GALNT18: variants seen among roughly 807,000 people sequenced by gnomAD.
GALNT18 encodes the protein polypeptide N-acetylgalactosaminyltransferase 18, also known as GalNAc-transferase 18.
Under a neutral mutation model 69.5 loss-of-function variants are expected in GALNT18, and 44 were observed. That is an observed-to-expected ratio of 0.63 (90% CI 0.50 to 0.81). The LOEUF is 0.81. GALNT18 is among the 40% of genes least tolerant of loss of function. The pLI, the probability that GALNT18 is intolerant of heterozygous loss-of-function variation, is 0.00. For missense variants in GALNT18, 715 were observed against 810.0 expected, an observed-to-expected ratio of 0.88 and a Z score of 1.42; for synonymous variants, 364 against 318.2, an observed-to-expected ratio of 1.14 and a Z score of -1.53.
chr11:11,365,120 G>C (rs1241132888), intron 6 of GALNT18, among the ~76,000 whole-genome samples: 1 of 151,778 alleles, frequency 6.6e-6, no homozygotes, highest in African/African-American at 2.4e-5. Flanking sequence ...TGCACCTATG[G>C]ACCCATCCTT....
intron 10 of GALNT18, among the ~76,000 whole-genome samples, chr11:11,274,672 G>A (rs1031210671): frequency 6.6e-6 from 1 of 152,166 alleles, no homozygotes; most frequent in Non-Finnish European, 1.5e-5. Context: ...CCTACATTAG[G>A]TATTTCTCCT....
Position 11,494,848 on chromosome 11 carries a change from A to G in GALNT18, c.236-45912T>C, listed in dbSNP as rs968920596. ...GGAGGGGAAGTATTTTAATCTTACAACTCCAACCATGATCATCTGGGAGTG... is the reference window on the plus strand; with the variant it reads ...GGAGGGGAAGTATTTTAATCTTACAGCTCCAACCATGATCATCTGGGAGTG... On this transcript the variant is annotated intron_variant, in intron 1 of 10. Coordinates refer to ENST00000227756, the MANE Select transcript of GALNT18 (RefSeq NM_198516.3). This position sits in a 1 kb window ranked among gnomAD's most constrained non-coding sequence, Gnocchi z 5.7. Among the ~76,000 whole-genome samples, 2 of 152,096 alleles carry G rather than the reference A, an allele frequency of 1.3e-5. No homozygotes were observed. Among genetic ancestry groups the G allele is most frequent in the African/African-American group, 4.8e-5 (2 of 41,396 alleles).
intron 1 of GALNT18, among the ~76,000 whole-genome samples, chr11:11,513,226 GTTC>G (rs1437147821): frequency 6.6e-6 from 1 of 152,216 alleles, no homozygotes; most frequent in Non-Finnish European, 1.5e-5. Context: ...CTGAGCCTCA[GTTC>G]TTCTTCTGTA....
chr11:11,561,178 G>T (rs771138186), intron 1 of GALNT18, among the ~76,000 whole-genome samples: 1 of 152,066 alleles, frequency 6.6e-6, no homozygotes, highest in African/African-American at 2.4e-5. Context: ...ACTGCGAGGC[G>T]CCTTTTTCAG....
chr11:11,359,857 T>G (rs563459390), intron 6 of GALNT18, among the ~76,000 whole-genome samples: 2 of 152,222 alleles, frequency 1.3e-5, no homozygotes, highest in Admixed American at 6.5e-5. Flanking sequence ...GTTCTAATCT[T>G]GAGTGGTCCT....
At chr11:11,455,943 GC>G (rs1855915680) in intron 1 of GALNT18, among the ~76,000 whole-genome samples, 1 of 152,082 alleles carries the variant, frequency 6.6e-6, no homozygotes, top group South Asian at 2.1e-4. Flanking sequence ...ACAAAAATTA[GC>G]CAAGCATGGT....
intron 9 of GALNT18, among the ~76,000 whole-genome samples, chr11:11,300,354 GGA>G (rs756212222): frequency 6.6e-6 from 1 of 152,152 alleles, no homozygotes; most frequent in East Asian, 1.9e-4. Context: ...GGGTAGAAAG[GGA>G]GAGTTATATT....
At chr11:11,350,127 A>G (rs79741824) in intron 6 of GALNT18, among the ~76,000 whole-genome samples, 2,569 of 152,322 alleles carry the variant, frequency 0.017, 61 homozygotes, top group East Asian at 0.078. Flanking sequence ...GCTTTCCATG[A>G]AGAAAAACTT....
intron 3 of GALNT18, among the ~76,000 whole-genome samples, chr11:11,418,445 C>G (rs956806807): frequency 6.6e-6 from 1 of 152,194 alleles, no homozygotes; most frequent in African/African-American, 2.4e-5. Context: ...AAGGCAGGTT[C>G]TGTCTTTTTC....
At chr11:11,278,072 C>T (rs947856895) in intron 10 of GALNT18, among the ~76,000 whole-genome samples, 8 of 151,882 alleles carry the variant, frequency 5.3e-5, no homozygotes, top group East Asian at 2.0e-4. Flanking sequence ...CCTTTTGCCT[C>T]GTTGATCTGT....
In GALNT18 at chr11:11,347,940, A is replaced by G. The variant is rs75711299; in HGVS notation, c.1093-6936T>C. On this transcript the variant is annotated intron_variant, in intron 6 of 10. Transcript: ENST00000227756. This position sits in a 1 kb window ranked among gnomAD's most constrained non-coding sequence, Gnocchi z 4.0. ...GGGGAGAGCTGGCAGAAGACCAGAAAGTCACTCGCAGAGTGGCTGAACGGT... is the reference window on the plus strand; with the variant it reads ...GGGGAGAGCTGGCAGAAGACCAGAAGGTCACTCGCAGAGTGGCTGAACGGT... Among the ~76,000 whole-genome samples, 7,252 of 152,306 alleles carry G rather than the reference A, an allele frequency of 0.048. 229 individuals are homozygous for G. The highest frequency in any genetic ancestry group is 0.13 in the South Asian group (605 of 4,822).
At position 11,402,822 on chromosome 11, in the gene GALNT18, GC is replaced by G. The variant is rs1854497508; in HGVS notation, c.596-23559del. 6.6e-6 allele frequency among the ~76,000 whole-genome samples: 1 copy of G among 152,200 alleles called. No homozygotes were observed. The highest frequency in any genetic ancestry group is 1.5e-5 in the Non-Finnish European group (1 of 68,032). On this transcript the variant is annotated intron_variant, in intron 3 of 10. Transcript: ENST00000227756. This position sits in a 1 kb window ranked among gnomAD's most constrained non-coding sequence, Gnocchi z 4.0. ...AAAAATACAAATGGCTTCTTGTAGT[GC>G]TGTTGGCATCTGACAAGGAGCCTCA...
intron 10 of GALNT18, among the ~76,000 whole-genome samples, chr11:11,279,913 TA>T (rs948519509): frequency 6.6e-6 from 1 of 151,650 alleles, no homozygotes; most frequent in Non-Finnish European, 1.5e-5. Context: ...AAAATTGAAA[TA>T]AAAAATCCAG....
rs114370050 is a variant in GALNT18, at chr11:11,274,488, A to G, written c.1678-3198T>C. On this transcript the variant is annotated intron_variant, in intron 10 of 10. Coordinates refer to ENST00000227756, the MANE Select transcript of GALNT18 (RefSeq NM_198516.3). ...GACAGCAGTCTGAGGTTGACCTGGG[A>G]TGCTCAAGCTTGGTTGGGTGAGGGA... Among the ~76,000 whole-genome samples the G allele has an allele frequency of 8.3e-3, 1,257 of 152,320 alleles. 18 individuals are homozygous for G. The highest frequency in any genetic ancestry group is 0.026 in the African/African-American group (1,078 of 41,578).
intron 8 of GALNT18, 113 bp from the exon 9 acceptor site, chr11:11,327,294 G>A: frequency 1.3e-6 from 1 of 795,842 alleles, no homozygotes; most frequent in South Asian, 1.6e-5. Flanking sequence ...TCCATAATCA[G>A]CCCAAGGCCC....
In GALNT18 at chr11:11,613,646, C is replaced by T. The variant is rs978316749; in HGVS notation, c.235+7713G>A. Among the ~76,000 whole-genome samples the T allele has an allele frequency of 2.6e-5, 4 of 152,190 alleles. No individual in the cohort carries two copies. Among genetic ancestry groups the T allele is most frequent in the African/African-American group, 9.7e-5 (4 of 41,446 alleles). On this transcript the variant is annotated intron_variant, in intron 1 of 10. Coordinates refer to ENST00000227756, the MANE Select transcript of GALNT18 (RefSeq NM_198516.3). This position sits in a 1 kb window ranked among gnomAD's most constrained non-coding sequence, Gnocchi z 4.2. ...ATGGAGCTGACTCTAACCCCAAAGG[C>T]AAGTGAGATTCAATAACAATTGTAG... is the stretch of plus-strand genomic sequence containing the variant.
At chr11:11,276,222 T>C (rs1848943275) in intron 10 of GALNT18, among the ~76,000 whole-genome samples, 1 of 152,234 alleles carries the variant, frequency 6.6e-6, no homozygotes, top group African/African-American at 2.4e-5. Context: ...CAGTGCTTTG[T>C]AGTTCTCCTT....
intron 9 of GALNT18, among the ~76,000 whole-genome samples, chr11:11,305,541 GATC>G (rs1849563399): frequency 6.6e-6 from 1 of 152,186 alleles, no homozygotes; most frequent in Non-Finnish European, 1.5e-5. Context: ...ACTGAGTCGG[GATC>G]CAAACTGCCT....
chr11:11,344,581 G>T (rs1363891166), intron 6 of GALNT18, among the ~76,000 whole-genome samples: 1 of 152,116 alleles, frequency 6.6e-6, no homozygotes, highest in Non-Finnish European at 1.5e-5. Flanking sequence ...GTAGCATGTC[G>T]CACTTGAAAG....
Sources: gnomAD v4.1 joint callset for allele counts (sites outside exome capture counted in the v4.1 genomes callset) on GRCh38, gnomAD v4.1.1 for gene constraint, Gnocchi (gnomAD v3.1) non-coding constraint, MANE v1.5 for transcripts, NCBI Gene and HGNC (gene_info 2026-07-23, HGNC 2026-07-21) for gene names.